The following ZNF215 variants were observed in gnomAD, a reference collection of about 807,000 sequenced individuals.
ZNF215 encodes the protein BWSCR2-associated zinc finger protein 2.
ZNF215 carries 24 observed loss-of-function variants against 27.2 expected under a neutral mutation model. The observed-to-expected ratio is 0.88, with a 90% CI of 0.64 to 1.24. The LOEUF (loss-of-function observed/expected upper bound fraction) is 1.24, where lower values mean the gene tolerates loss of function less well. Ranked by LOEUF, ZNF215 falls within the 50% of genes most tolerant of loss-of-function variation. The probability of loss-of-function intolerance (pLI) is 0.00; values close to 1 mark genes in which losing one functional copy is unlikely to be tolerated. For missense variants in ZNF215, 675 were observed against 605.7 expected (o/e 1.11, Z -1.20); for synonymous variants, 210 against 204.0 (o/e 1.03, Z -0.25).
chr11:6,982,913 A>G lies in ZNF215; in HGVS notation c.806-1216A>G, dbSNP rs994782882. On this transcript the variant is annotated intron_variant, in intron 5 of 5. Transcript: ENST00000529903. ...GGCAAGAAATAACTAAAATCAGAGC[A>G]GAACTGAAGGAAATAGAGACACAAA... Among the ~76,000 whole-genome samples, 1,514 of 151,512 alleles carry G rather than the reference A, an allele frequency of 1.0e-2. 26 individuals are homozygous for G. Among genetic ancestry groups the G allele is most frequent in the African/African-American group, 0.035 (1,449 of 41,026 alleles).
At chr11:6,943,456 G>A in intron 5 of ZNF215, 90 bp from the exon 6 acceptor site, 3 of 1,282,010 alleles carry the variant, frequency 2.3e-6, no homozygotes, top group Non-Finnish European at 3.3e-6. Flanking sequence ...TTGGATTACT[G>A]TGTCGGGATA....
chr11:6,951,256 T>A (rs1850046244), intron 6 of ZNF215, among the ~76,000 whole-genome samples: 1 of 152,008 alleles, frequency 6.6e-6, no homozygotes, highest in Non-Finnish European at 1.5e-5. Flanking sequence ...ATAAAATGAG[T>A]TAGGGAGGAT....
rs921598317 is a variant in ZNF215 at position 6,983,072 on chromosome 11, G to A, written c.806-1057G>A. 2.6e-5 allele frequency among the ~76,000 whole-genome samples: 4 copies of A among 151,398 alleles called. No individual in the cohort carries two copies. The South Asian group carries it at 8.4e-4, about 32-fold the overall frequency. ...TAGATGCAATAAAAAATGATAAAGG[G>A]GATATCACCACCGATTCCACAGAAA... On this transcript the variant is annotated intron_variant, in intron 5 of 5. Coordinates refer to the ZNF215 transcript ENST00000529903.
chr11:6,992,662 C>T (rs1162655307), downstream of ZNF215, among the ~76,000 whole-genome samples: 1 of 152,184 alleles, frequency 6.6e-6, no homozygotes, highest in East Asian at 1.9e-4. Flanking sequence ...ATAGAATCAA[C>T]CATTGGGACT....
intron 5 of ZNF215, among the ~76,000 whole-genome samples, chr11:6,982,773 C>T (rs1274142188): frequency 3.5e-4 from 53 of 151,150 alleles, no homozygotes; most frequent in Non-Finnish European, 6.2e-4. Context: ...TAGAGGGAAA[C>T]TTATAGCACT....
intron 6 of ZNF215, 37 bp downstream of exon 6, chr11:6,943,678 C>A: frequency 6.8e-7 from 1 of 1,481,052 alleles, no homozygotes; most frequent in Non-Finnish European, 9.4e-7. Flanking sequence ...TAGTAAGAAG[C>A]TTCTGTTTCC....
chr11:6,933,440 T>C (rs1276457793), intron 3 of ZNF215, among the ~76,000 whole-genome samples: 8 of 152,224 alleles, frequency 5.3e-5, no homozygotes, highest in Admixed American at 1.3e-4. Context: ...GAAGCTTATA[T>C]GTATGAACAC....
chr11:6,970,913 C>G (rs917459909), intron 5 of ZNF215, among the ~76,000 whole-genome samples: 1 of 152,036 alleles, frequency 6.6e-6, no homozygotes, highest in African/African-American at 2.4e-5. Context: ...CAGATCTGCC[C>G]CATACAACCC....
chr11:6,989,748 T>A (rs1236021725), downstream of ZNF215, among the ~76,000 whole-genome samples: 1 of 151,630 alleles, frequency 6.6e-6, no homozygotes, highest in African/African-American at 2.4e-5. Flanking sequence ...CACAGAAGAG[T>A]TGGCTCAATA....
chr11:6,977,877 A>G (rs932656340), intron 5 of ZNF215, among the ~76,000 whole-genome samples: 3 of 152,178 alleles, frequency 2.0e-5, no homozygotes, highest in African/African-American at 7.2e-5. Context: ...ATTGAAATAT[A>G]TATACTCAAC....
rs192696987 is a variant in ZNF215, at chr11:6,944,386, A to G, written c.712+745A>G. 5.4e-3 allele frequency among the ~76,000 whole-genome samples: 768 copies of G among 142,076 alleles called. 25 individuals carry two copies. The highest frequency in any genetic ancestry group is 0.042 in the Admixed American group (606 of 14,298). 93.2% of individuals were successfully genotyped at this position (142,076 alleles called of 152,430 possible). ...CTAGAGTGATTTCTAGTAATCTTCC[A>G]TTTTTCCTTTTTTTTTTTTTTTTTA... On this transcript the variant is annotated intron_variant, in intron 6 of 6. Transcript: ENST00000278319.
intron 6 of ZNF215, among the ~76,000 whole-genome samples, chr11:6,947,164 A>G (rs1849846550): frequency 6.6e-6 from 1 of 152,116 alleles, no homozygotes; most frequent in Non-Finnish European, 1.5e-5. Context: ...ACATTTTCTG[A>G]TTATATTCTA....
chr11:6,975,647 G>A lies in ZNF215; in HGVS notation c.806-8482G>A, dbSNP rs564470663. Among the ~76,000 whole-genome samples the A allele has an allele frequency of 5.9e-5, 9 of 151,912 alleles. No homozygotes were observed. In the South Asian group the frequency reaches 8.3e-4, roughly 14 times the overall value. The stretch of plus-strand genomic sequence containing the variant: ...GTTCGTCTTTCTGTCTTAGATCTCC[G>A]GTTCTATCCACATTGTTGCAAATGA... On this transcript the variant is annotated intron_variant, in intron 5 of 5. Transcript: ENST00000529903.
chr11:6,956,725 T>G lies in ZNF215; in HGVS notation c.*194T>G. 2.4e-5 allele frequency: 33 copies of G among 1,377,122 alleles called. No individual in the cohort carries two copies. The highest frequency in any genetic ancestry group is 3.1e-5 in the Non-Finnish European group (33 of 1,072,792). 85.3% of individuals were successfully genotyped at this position (1,377,122 alleles called of 1,614,324 possible). On this transcript the variant is annotated 3_prime_UTR_variant, in exon 7 of 7. Coordinates refer to ENST00000278319, the MANE Select transcript of ZNF215 (RefSeq NM_013250.4). ...ATCTGTTTGAAGGAATTTTCCTGGTTTTCAGATGAAGCCATAAGGCTTTGG... is the reference window on the plus strand; with the variant it reads ...ATCTGTTTGAAGGAATTTTCCTGGTGTTCAGATGAAGCCATAAGGCTTTGG...
intron 4 of ZNF215, among the ~76,000 whole-genome samples, chr11:6,942,386 T>A (rs1048413262): frequency 3.3e-5 from 5 of 152,202 alleles, no homozygotes; most frequent in African/African-American, 1.2e-4. Context: ...GTGCATAATA[T>A]GCCAGATACT....
chr11:6,944,621 T>C (rs1849751434), intron 6 of ZNF215, among the ~76,000 whole-genome samples: 1 of 152,186 alleles, frequency 6.6e-6, no homozygotes, highest in South Asian at 2.1e-4. Flanking sequence ...GTGATATTAA[T>C]ATAAGTTCTA....
intron 2 of ZNF215, among the ~76,000 whole-genome samples, chr11:6,931,850 A>T (rs1028776313): frequency 1.3e-5 from 2 of 152,188 alleles, no homozygotes; most frequent in African/African-American, 4.8e-5. Flanking sequence ...TCAATTACGA[A>T]GTTTTTTTAA....
At chr11:6,949,259 T>C (rs1370639818) in intron 6 of ZNF215, among the ~76,000 whole-genome samples, 1 of 152,198 alleles carries the variant, frequency 6.6e-6, no homozygotes, top group Non-Finnish European at 1.5e-5. Context: ...TTTGGGTATA[T>C]TCCCAGTAAT....
intron 6 of ZNF215, among the ~76,000 whole-genome samples, chr11:6,954,333 C>T (rs976472179): frequency 6.6e-6 from 1 of 152,198 alleles, no homozygotes; most frequent in African/African-American, 2.4e-5. Context: ...GTGCCCTGCC[C>T]CCAGAGGTGG....
Sources: allele counts gnomAD v4.1 joint callset (sites outside exome capture counted in the v4.1 genomes callset), GRCh38; gene constraint gnomAD v4.1.1; transcripts MANE v1.5; gene names NCBI Gene and HGNC (gene_info 2026-07-23, HGNC 2026-07-21).